IFT43: variants seen among roughly 807,000 people sequenced by gnomAD.
The protein encoded by IFT43 is intraflagellar transport protein 43 homolog.
IFT43 carries 33 observed loss-of-function variants against 32.3 expected under a neutral mutation model. The ratio of observed to expected loss-of-function variants is 1.02; its 90% CI spans 0.77 to 1.37. The LOEUF is 1.37. Ranked by LOEUF, IFT43 falls within the 40% of genes most tolerant of loss-of-function variation. The pLI is 0.00. For synonymous variants in IFT43, 93 were observed against 98.2 expected (o/e 0.95, Z 0.31); for missense variants, 274 against 265.9 (o/e 1.03, Z -0.21).
At chr14:76,035,236 A>G (rs963977813) in intron 3 of IFT43, among the ~76,000 whole-genome samples, 3 of 152,122 alleles carry the variant, frequency 2.0e-5, no homozygotes, top group African/African-American at 4.8e-5. Context: ...TGGAATTGTC[A>G]CAATATATTT....
At chr14:75,995,379 T>G (rs934363117) in intron 2 of IFT43, among the ~76,000 whole-genome samples, 1 of 152,266 alleles carries the variant, frequency 6.6e-6, no homozygotes, top group African/African-American at 2.4e-5. Flanking sequence ...TGATCACCCT[T>G]ATTCGTTCAG....
chr14:75,993,422 C>G (rs2035680472), intron 2 of IFT43, among the ~76,000 whole-genome samples: 1 of 152,192 alleles, frequency 6.6e-6, no homozygotes, highest in African/African-American at 2.4e-5. Context: ...GCATCCATCC[C>G]TCTCCAGTTA....
At chr14:75,989,758 A>G (rs2035600958) in intron 2 of IFT43, among the ~76,000 whole-genome samples, 1 of 152,192 alleles carries the variant, frequency 6.6e-6, no homozygotes, top group South Asian at 2.1e-4. Flanking sequence ...GACAGCAGGA[A>G]ACCTGGCTTC....
intron 2 of IFT43, among the ~76,000 whole-genome samples, chr14:76,008,101 A>T (rs2036012425): frequency 6.6e-6 from 1 of 152,202 alleles, no homozygotes; most frequent in Admixed American, 6.5e-5. Context: ...ACACCAGTAG[A>T]GCATTTGCCA....
chr14:75,999,878 A>C (rs1355663968), intron 2 of IFT43, among the ~76,000 whole-genome samples: 2 of 152,228 alleles, frequency 1.3e-5, no homozygotes, highest in African/African-American at 4.8e-5. Context: ...TCTATGTTGT[A>C]GGGAGCCCAC....
intron 3 of IFT43, among the ~76,000 whole-genome samples, chr14:76,033,414 A>T (rs768664416): frequency 6.6e-6 from 1 of 152,194 alleles, no homozygotes; most frequent in Non-Finnish European, 1.5e-5. Context: ...AGTAGGGCGG[A>T]TAGTTTTCCT....
At chr14:76,018,319 A>C (rs1469362325) in intron 2 of IFT43, among the ~76,000 whole-genome samples, 1 of 152,052 alleles carries the variant, frequency 6.6e-6, no homozygotes, top group Non-Finnish European at 1.5e-5. Flanking sequence ...GTGGTTGTTC[A>C]GGAGCATGTT....
intron 5 of IFT43, among the ~76,000 whole-genome samples, chr14:76,069,373 G>T (rs1219766935): frequency 6.6e-6 from 1 of 152,154 alleles, no homozygotes; most frequent in Non-Finnish European, 1.5e-5. Context: ...TGTCAGAAAA[G>T]GGGGGTATGA....
rs1267740379 is a variant in IFT43 at position 76,083,476 on chromosome 14, T to C, written c.526T>C (p.Trp176Arg). The C allele has an allele frequency of 2.5e-6, 4 of 1,614,192 alleles. No homozygotes were observed. The highest frequency in any genetic ancestry group is 3.4e-6 in the Non-Finnish European group (4 of 1,180,032). Residue 176 changes from tryptophan (W) to arginine (R), a missense_variant, in exon 9 of 9, where the codon TGG becomes CGG. Coordinates refer to ENST00000314067, the MANE Select transcript of IFT43 (RefSeq NM_001102564.3). ...EVREDDVGWD[W>R]DHLFTEVSSE... ...TTGGCAGGATGATGTCGGCTGGGAC[T>C]GGGACCATCTGTTCACTGAGGTGTC...
At chr14:75,994,103 C>CTT (rs746640100) in intron 2 of IFT43, among the ~76,000 whole-genome samples, 2,547 of 143,972 alleles carry the variant, frequency 0.018, 74 homozygotes, top group African/African-American at 0.061. Flanking sequence ...ATAGAAAGCC[C>CTT]TTTTTTTTTT....
In IFT43 at chr14:76,082,680, C is replaced by T. The variant is rs1451686315; in HGVS notation, c.432C>T (p.Ala144=). 1.2e-6 allele frequency: 2 copies of T among 1,606,582 alleles called. No individual in the cohort carries two copies. Among genetic ancestry groups the T allele is most frequent in the African/African-American group, 1.3e-5 (1 of 74,848 alleles). ...DLDNDLMKYS[A]IQTLDGEIDL... is the part of the protein sequence containing the mutation. ...ACAATGACCTCATGAAGTACTCAGCCATTCAGACACTGGTGAGTGGAACAG... is the reference window on the plus strand; with the variant it reads ...ACAATGACCTCATGAAGTACTCAGCTATTCAGACACTGGTGAGTGGAACAG... The change falls in exon 7 of 9, where the codon GCC becomes GCT. Residue 144 remains alanine, a synonymous_variant. Coordinates refer to ENST00000314067, the MANE Select transcript of IFT43 (RefSeq NM_001102564.3).
chr14:76,058,694 A>G lies in IFT43; in HGVS notation c.248+20A>G. On this transcript the variant is annotated intron_variant, in intron 4 of 8. Transcript: ENST00000314067. The stretch of plus-strand genomic sequence containing the variant: ...AGAAGAGTACGTTTCCAGTATTCTT[A>G]TTCTTATGGTATCCTATGTTGATCT... The G allele has an allele frequency of 6.2e-7, 1 of 1,610,138 alleles. No homozygotes were observed. Among genetic ancestry groups the G allele is most frequent in the Non-Finnish European group, 8.5e-7 (1 of 1,179,020 alleles).
chr14:76,018,962 T>C (rs116150839), intron 2 of IFT43, among the ~76,000 whole-genome samples: 2,129 of 152,188 alleles, frequency 0.014, 57 homozygotes, highest in African/African-American at 0.044. Context: ...CTTTTTAATT[T>C]AGCCAGCCAG....
chr14:76,050,552 G>A (rs1424126328), intron 3 of IFT43, among the ~76,000 whole-genome samples: 1 of 152,148 alleles, frequency 6.6e-6, no homozygotes, highest in Non-Finnish European at 1.5e-5. Context: ...AAACTCGTGG[G>A]CTGAAGTGAT....
intron 3 of IFT43, among the ~76,000 whole-genome samples, chr14:76,053,013 T>C (rs1221913442): frequency 6.6e-6 from 1 of 152,170 alleles, no homozygotes; most frequent in Non-Finnish European, 1.5e-5. Context: ...GACACCCTGC[T>C]TGCATTCTGG....
At chr14:76,059,280 G>GTT in intron 4 of IFT43, 47 bp from the exon 5 acceptor site, 1 of 1,613,648 alleles carries the variant, frequency 6.2e-7, no homozygotes, top group Non-Finnish European at 8.5e-7. Flanking sequence ...TCCTTTCCGT[G>GTT]TTTGAAACTC....
chr14:76,073,635 G>T (rs149313484), intron 5 of IFT43, among the ~76,000 whole-genome samples: 1 of 152,316 alleles, frequency 6.6e-6, no homozygotes, highest in African/African-American at 2.4e-5. Flanking sequence ...ATATACACAT[G>T]CAGGAGGACA....
chr14:76,067,107 G>A (rs1393194598), intron 5 of IFT43, among the ~76,000 whole-genome samples: 1 of 152,168 alleles, frequency 6.6e-6, no homozygotes, highest in East Asian at 1.9e-4. Context: ...CTCTCTATGT[G>A]TATTGCTCAG....
At chr14:76,074,721 G>A (rs1566736508) in intron 5 of IFT43, among the ~76,000 whole-genome samples, 1 of 152,186 alleles carries the variant, frequency 6.6e-6, no homozygotes, top group Non-Finnish European at 1.5e-5. Flanking sequence ...CCCTCTGTGG[G>A]TAACATAATG....
Sources: gnomAD v4.1 joint callset for allele counts (sites outside exome capture counted in the v4.1 genomes callset) on GRCh38, gnomAD v4.1.1 for gene constraint, MANE v1.5 for transcripts, NCBI Gene and HGNC (gene_info 2026-07-23, HGNC 2026-07-21) for gene names.